The following CNTNAP2 variants were observed in gnomAD, a reference collection of about 807,000 sequenced individuals.
CNTNAP2 encodes the protein contactin-associated protein-like 2.
CNTNAP2 carries 98 observed loss-of-function variants against 155.2 expected under a neutral mutation model. The ratio of observed to expected loss-of-function variants is 0.63; its 90% CI spans 0.54 to 0.75. CNTNAP2 has a LOEUF of 0.75. Among genes scored for constraint, CNTNAP2 ranks in the 30% least tolerant of loss-of-function variants. The pLI is 0.00. For synonymous variants in CNTNAP2, 651 were observed against 631.2 expected, an observed-to-expected ratio of 1.03 and a Z score of -0.47; for missense variants, 1,727 against 1,688.1, an observed-to-expected ratio of 1.02 and a Z score of -0.40.
intron 13 of CNTNAP2, among the ~76,000 whole-genome samples, chr7:147,838,933 CATAT>C (rs1459900194): frequency 1.3e-5 from 2 of 151,950 alleles, no homozygotes; most frequent in Non-Finnish European, 2.9e-5. Flanking sequence ...ATAGGATAGA[CATAT>C]ATATAAAGGG....
chr7:146,751,176 CTT>C lies in CNTNAP2; in HGVS notation c.98-23092_98-23091del, dbSNP rs1253486466. Among the ~76,000 whole-genome samples, 3 of 152,030 alleles carry C rather than the reference CTT, an allele frequency of 2.0e-5. No homozygotes were observed. In the South Asian group the frequency reaches 6.2e-4, roughly 31 times the overall value. ...ATAAATTTAAAGATAATCAGGATAA[CTT>C]TTGAACATTTACAAATGCTCAAATT... On this transcript the variant is annotated intron_variant, in intron 1 of 23. Coordinates refer to ENST00000361727, the MANE Select transcript of CNTNAP2 (RefSeq NM_014141.6).
At chr7:147,508,267 T>C (rs895307153) in intron 11 of CNTNAP2, among the ~76,000 whole-genome samples, 3 of 152,198 alleles carry the variant, frequency 2.0e-5, no homozygotes, top group African/African-American at 7.2e-5. Flanking sequence ...TTCTGCCCCC[T>C]GTCCCCCATT....
At chr7:146,642,381 T>A (rs1585020709) in intron 1 of CNTNAP2, among the ~76,000 whole-genome samples, 1 of 145,846 alleles carries the variant, frequency 6.9e-6, no homozygotes, top group African/African-American at 2.5e-5. Context: ...ATTCTTCAAT[T>A]CCCACCTATG....
At chr7:146,536,058 T>G (rs1000472667) in intron 1 of CNTNAP2, among the ~76,000 whole-genome samples, 1 of 152,148 alleles carries the variant, frequency 6.6e-6, no homozygotes, top group Admixed American at 6.6e-5. Flanking sequence ...CACGTTTATT[T>G]TCTCCTTTCT....
At chr7:148,077,646 A>G (rs1803516176) in intron 15 of CNTNAP2, among the ~76,000 whole-genome samples, 2 of 152,190 alleles carry the variant, frequency 1.3e-5, no homozygotes, top group East Asian at 1.9e-4. Context: ...TTCGGATATA[A>G]AACTATACAC....
chr7:147,572,783 C>A lies in CNTNAP2; in HGVS notation c.1897+10526C>A, dbSNP rs1800320631. Among the ~76,000 whole-genome samples, 13 of 151,924 alleles carry A rather than the reference C, an allele frequency of 8.6e-5. No homozygotes were observed. The South Asian group carries it at 2.7e-3, about 32-fold the overall frequency. ...AACTCATTTCTTTGCAATCAAAAAT[C>A]AAAAACCACAGGAATAATCTCATAC... On this transcript the variant is annotated intron_variant, in intron 12 of 23. Transcript: ENST00000361727.
intron 12 of CNTNAP2, among the ~76,000 whole-genome samples, chr7:147,566,057 G>T (rs1800163095): frequency 1.3e-5 from 2 of 149,814 alleles, no homozygotes; most frequent in African/African-American, 2.5e-5. Context: ...AAGACAGGTG[G>T]ATCGCTTGAG....
At chr7:147,835,334 A>T (rs1261107991) in intron 13 of CNTNAP2, among the ~76,000 whole-genome samples, 1 of 152,232 alleles carries the variant, frequency 6.6e-6, no homozygotes. Context: ...AAAGGCTATC[A>T]TATATGTAGA....
intron 9 of CNTNAP2, among the ~76,000 whole-genome samples, chr7:147,315,519 T>C (rs1239243667): frequency 7.0e-6 from 1 of 142,400 alleles, no homozygotes; most frequent in Non-Finnish European, 1.5e-5. Flanking sequence ...TCTTGCTCTG[T>C]CCCCCAGGCT....
intron 13 of CNTNAP2, among the ~76,000 whole-genome samples, chr7:147,805,165 A>C (rs982564915): frequency 6.6e-6 from 1 of 151,308 alleles, no homozygotes. Flanking sequence ...TCCACCACCC[A>C]GGTTCAAGCG....
intron 13 of CNTNAP2, among the ~76,000 whole-genome samples, chr7:147,694,481 C>T (rs1272670563): frequency 6.6e-6 from 1 of 152,072 alleles, no homozygotes; most frequent in Non-Finnish European, 1.5e-5. Flanking sequence ...CCTGCTGTTT[C>T]CTGATTTAGA....
chr7:147,919,880 C>G (rs1285131340), intron 14 of CNTNAP2, among the ~76,000 whole-genome samples: 1 of 151,718 alleles, frequency 6.6e-6, no homozygotes, highest in Non-Finnish European at 1.5e-5. Context: ...AGCCACCGTG[C>G]CCGGCCACAT....
At chr7:146,200,872 C>T (rs928094001) in intron 1 of CNTNAP2, among the ~76,000 whole-genome samples, 2 of 152,148 alleles carry the variant, frequency 1.3e-5, no homozygotes, top group Non-Finnish European at 2.9e-5. Flanking sequence ...CAGGCCAATA[C>T]TGAGTATGGC....
intron 1 of CNTNAP2, among the ~76,000 whole-genome samples, chr7:146,166,716 G>T (rs1798317787): frequency 6.6e-6 from 1 of 152,110 alleles, no homozygotes; most frequent in African/African-American, 2.4e-5. Context: ...AAACCCCTTG[G>T]ATTGTTAACT....
chr7:148,290,578 G>A (rs977479557), intron 21 of CNTNAP2, among the ~76,000 whole-genome samples: 2 of 152,170 alleles, frequency 1.3e-5, no homozygotes, highest in Non-Finnish European at 2.9e-5. Flanking sequence ...TAGTGATCAG[G>A]TTCTAAATAA....
At chr7:148,082,130 G>A (rs1258073628) in intron 15 of CNTNAP2, among the ~76,000 whole-genome samples, 2 of 152,106 alleles carry the variant, frequency 1.3e-5, no homozygotes, top group African/African-American at 4.8e-5. Context: ...GGGCATTGCA[G>A]TAGGAATAGA....
At chr7:146,378,404 G>C (rs956793946) in intron 1 of CNTNAP2, among the ~76,000 whole-genome samples, 1 of 152,136 alleles carries the variant, frequency 6.6e-6, no homozygotes, top group Admixed American at 6.6e-5. Flanking sequence ...TGGTGATGAT[G>C]ATGATGATGA....
At chr7:146,633,328 G>T (rs1272974188) in intron 1 of CNTNAP2, among the ~76,000 whole-genome samples, 2 of 152,050 alleles carry the variant, frequency 1.3e-5, no homozygotes, top group Non-Finnish European at 2.9e-5. Flanking sequence ...ATTTAACTGG[G>T]GTTACTCATT....
chr7:147,596,244 T>G (rs1800825308), intron 12 of CNTNAP2, among the ~76,000 whole-genome samples: 1 of 152,184 alleles, frequency 6.6e-6, no homozygotes, highest in South Asian at 2.1e-4. Context: ...CTTTTCTTTT[T>G]CTCACTCTCT....
Sources: gnomAD v4.1 joint callset for allele counts (sites outside exome capture counted in the v4.1 genomes callset) on GRCh38, gnomAD v4.1.1 for gene constraint, MANE v1.5 for transcripts, NCBI Gene and HGNC (gene_info 2026-07-23, HGNC 2026-07-21) for gene names.